The following FAM20C variants were observed in gnomAD, a reference collection of about 807,000 sequenced individuals.
The protein encoded by FAM20C is FAM20C golgi associated secretory pathway kinase.
FAM20C carries 40 observed loss-of-function variants against 51.5 expected under a neutral mutation model. The ratio of observed to expected loss-of-function variants is 0.78; its 90% CI spans 0.60 to 1.01. The LOEUF (loss-of-function observed/expected upper bound fraction) is 1.01. Among genes scored for constraint, FAM20C ranks in the 50% least tolerant of loss-of-function variants. FAM20C has a pLI of 0.00. For missense variants in FAM20C, 861 were observed against 844.7 expected, an observed-to-expected ratio of 1.02 and a Z score of -0.24; for synonymous variants, 406 against 380.6, an observed-to-expected ratio of 1.07 and a Z score of -0.78.
At chr7:196,192 C>T (rs980640072) in intron 2 of FAM20C, among the ~76,000 whole-genome samples, 6 of 152,218 alleles carry the variant, frequency 3.9e-5, no homozygotes, top group Non-Finnish European at 7.3e-5. Context: ...AGCCGTCCTT[C>T]GTCAGACCTC....
At chr7:247,201 A>G (rs1363685692) in intron 4 of FAM20C, among the ~76,000 whole-genome samples, 1 of 152,200 alleles carries the variant, frequency 6.6e-6, no homozygotes, top group East Asian at 1.9e-4. Context: ...GCCCCAGCCC[A>G]GCAGAAAGTG....
At chr7:198,007 G>A (rs1050935129) in intron 2 of FAM20C, among the ~76,000 whole-genome samples, 5 of 152,210 alleles carry the variant, frequency 3.3e-5, no homozygotes, top group Non-Finnish European at 4.4e-5. Context: ...CCTACCCCAG[G>A]ATTCTGGTGT....
At position 255,832 on chromosome 7, in the gene FAM20C, A is replaced by G. The variant is rs1248441591; in HGVS notation, c.1073-17A>G. 1 of 1,536,076 alleles carries G rather than the reference A, an allele frequency of 6.5e-7. No homozygotes were observed. The highest frequency in any genetic ancestry group is 8.7e-7 in the Non-Finnish European group (1 of 1,146,770). On this transcript the variant is annotated splice_polypyrimidine_tract_variant and intron_variant, in intron 5 of 9. Transcript: ENST00000313766. Reference sequence around the variant, plus strand: ...GCCCTGTGCGGCCCTGGTAACCCGCAGCCTGTCCCTCCCCAGCCAACAACA... The same window carrying G: ...GCCCTGTGCGGCCCTGGTAACCCGCGGCCTGTCCCTCCCCAGCCAACAACA...
intron 5 of FAM20C, among the ~76,000 whole-genome samples, chr7:250,095 A>G (rs935740975): frequency 2.0e-5 from 3 of 152,196 alleles, no homozygotes; most frequent in African/African-American, 2.4e-5. Context: ...ATTCATGCAG[A>G]TAAAATCCAA....
chr7:199,729 T>C (rs909461674), intron 2 of FAM20C, among the ~76,000 whole-genome samples: 1 of 152,210 alleles, frequency 6.6e-6, no homozygotes. Context: ...TAACCGGCCA[T>C]TGCCACCTTT....
In FAM20C at chr7:255,929, G is replaced by C. The variant is rs1024787453; in HGVS notation, c.1153G>C (p.Glu385Gln). The change falls in exon 6 of 10, where the codon GAG becomes CAG. Residue 385 changes from glutamate to glutamine, a missense_variant. Glu to Gln is a conservative substitution (Grantham distance 29). Coordinates refer to ENST00000313766, the MANE Select transcript of FAM20C (RefSeq NM_020223.4). ...HALCGKPDQI[E>Q]GSLAAFLPDL... The stretch of plus-strand genomic sequence containing the variant: ...CCTGTGCGGGAAGCCAGACCAGATC[G>C]AGGGCTCGCTGGCGGCCTTCCTGCC... The C allele has an allele frequency of 8.5e-6, 13 of 1,536,260 alleles. No individual in the cohort carries two copies. The highest frequency in any genetic ancestry group is 1.0e-5 in the Non-Finnish European group (12 of 1,146,854).
chr7:240,632 TTGAC>T (rs1787915349), intron 3 of FAM20C, among the ~76,000 whole-genome samples: 2 of 152,144 alleles, frequency 1.3e-5, no homozygotes, highest in African/African-American at 2.4e-5. Context: ...GGACAATTCT[TTGAC>T]TGAGTCCTCA....
chr7:193,486 C>T lies in FAM20C; in HGVS notation c.287C>T (p.Ser96Phe). The T allele has an allele frequency of 1.5e-5, 23 of 1,502,190 alleles. No homozygotes were observed. Among genetic ancestry groups the T allele is most frequent in the Non-Finnish European group, 2.0e-5 (23 of 1,122,184 alleles). The allele number at this position is 1,502,190 out of a possible 1,614,324, so 93.1% of individuals were successfully genotyped here. ...CTCCGCATCCTGCAGGACTTCAGCT[C>T]CGACCCCTCCTCCAACCTCTCGTCC... ...HTLRILQDFS[S>F]DPSSNLSSHS... Residue 96 changes from serine to phenylalanine, a missense_variant, in exon 1 of 10, where the codon TCC becomes TTC. By Grantham distance (155) the Ser-to-Phe change is radical. Around this residue, in one of 3 missense-constraint regions of FAM20C, gnomAD observed 561 missense variants for 499.8 expected, o/e 1.12. Coordinates refer to ENST00000313766, the MANE Select transcript of FAM20C (RefSeq NM_020223.4).
At chr7:205,234 C>CCGGGACCACGGACACGCACCGCCACGACG (rs1203368831) in intron 2 of FAM20C, among the ~76,000 whole-genome samples, 3 of 152,002 alleles carry the variant, frequency 2.0e-5, no homozygotes, top group Non-Finnish European at 2.9e-5. Context: ...TCCCGAGTAG[C>CCGGGACCACGGACACGCACCGCCACGACG]TGGGACCACA....
At chr7:206,704 G>A (rs1786417129) in intron 2 of FAM20C, among the ~76,000 whole-genome samples, 1 of 146,624 alleles carries the variant, frequency 6.8e-6, no homozygotes, top group Admixed American at 6.8e-5. Context: ...ACTGTCCACT[G>A]TGACGCGTCT....
At chr7:196,219 G>A (rs993028086) in intron 2 of FAM20C, among the ~76,000 whole-genome samples, 3 of 152,374 alleles carry the variant, frequency 2.0e-5, no homozygotes, top group Admixed American at 2.0e-4. Flanking sequence ...GCGCTGTGCA[G>A]TTTCATACTG....
intron 3 of FAM20C, among the ~76,000 whole-genome samples, chr7:243,300 G>A (rs4072789): frequency 3.8e-4 from 3 of 7,850 alleles, no homozygotes; most frequent in Admixed American, 7.4e-4. Flanking sequence ...TGTGCCACCC[G>A]GGAGACCTGT....
chr7:193,330 C>G lies in FAM20C; in HGVS notation c.131C>G (p.Pro44Arg). ...CGCGGCGCGCGGCCCTCGGGGGAGC[C>G]CGGCTGTTCGTGCGCGCAGCCCGCC... ...ERRGARPSGE[P>R]GCSCAQPAAE... Residue 44 changes from proline (P) to arginine (R), a missense_variant, in exon 1 of 10, where the codon CCC becomes CGC. By Grantham distance (103) the Pro-to-Arg change is moderately radical. Transcript: ENST00000313766. 7.4e-7 allele frequency: 1 copy of G among 1,354,374 alleles called. No individual in the cohort carries two copies. Among genetic ancestry groups the G allele is most frequent in the Non-Finnish European group, 9.6e-7 (1 of 1,044,902 alleles). The allele number at this position is 1,354,374 out of a possible 1,614,324, so 83.9% of individuals were successfully genotyped here. A position where few individuals can be genotyped will look rare whatever the true frequency, so the allele number is the denominator to read the frequency against.
rs894499679 is a variant in FAM20C at position 246,296 on chromosome 7, G to A, written c.864-119G>A. ...GGTCCCGAAGGCTCAGGGTGGCCCT[G>A]AGGAGGCTGGAGCTCCACCGCATTT... On this transcript the variant is annotated intron_variant, in intron 3 of 9. Coordinates refer to ENST00000313766, the MANE Select transcript of FAM20C (RefSeq NM_020223.4). 3.5e-5 allele frequency: 29 copies of A among 823,042 alleles called. No individual in the cohort carries two copies. The African/African-American group carries it at 4.7e-4, about 13-fold the overall frequency. 51.0% of individuals were successfully genotyped at this position (823,042 alleles called of 1,614,324 possible).
chr7:208,351 CTGTAGGGTGTGGT>C (rs1786537122), intron 2 of FAM20C, among the ~76,000 whole-genome samples: 1 of 142,830 alleles, frequency 7.0e-6, no homozygotes, highest in African/African-American at 2.8e-5. Context: ...GTTGTGTGTA[CTGTAGGGTGTGGT>C]GTGTGTAGGT....
chr7:242,266 G>C (rs1787968847), intron 3 of FAM20C, among the ~76,000 whole-genome samples: 2 of 152,376 alleles, frequency 1.3e-5, no homozygotes, highest in South Asian at 4.1e-4. Flanking sequence ...GCGAGGGTCA[G>C]TGGCAGCAGC....
intron 3 of FAM20C, among the ~76,000 whole-genome samples, chr7:214,686 G>T (rs192327489): frequency 6.6e-6 from 1 of 152,322 alleles, no homozygotes; most frequent in African/African-American, 2.4e-5. Context: ...GGTCTCAGGC[G>T]CTTGCAGGGC....
At chr7:207,027 T>C (rs1344653297) in intron 2 of FAM20C, among the ~76,000 whole-genome samples, 1 of 45,952 alleles carries the variant, frequency 2.2e-5, no homozygotes, top group African/African-American at 1.0e-4. Flanking sequence ...CGCACACGTA[T>C]CCACTGTGAC....
intron 3 of FAM20C, among the ~76,000 whole-genome samples, chr7:213,189 C>T (rs28714544): frequency 6.4e-5 from 5 of 77,678 alleles, no homozygotes; most frequent in Admixed American, 4.6e-4. Flanking sequence ...GTGACATGGA[C>T]GGCTGTGGAG....
Sources: allele counts gnomAD v4.1 joint callset (sites outside exome capture counted in the v4.1 genomes callset), GRCh38; gene constraint gnomAD v4.1.1; regional missense constraint gnomAD v4.1.1; transcripts MANE v1.5; gene names NCBI Gene and HGNC (gene_info 2026-07-23, HGNC 2026-07-21).